MVD: variants seen among roughly 807,000 people sequenced by gnomAD.
MVD encodes mevalonate diphosphate decarboxylase, also known as diphosphomevalonate decarboxylase.
Under a neutral mutation model 42.4 loss-of-function variants are expected in MVD, and 52 were observed. The observed-to-expected ratio is 1.23, with a 90% CI of 0.98 to 1.55. The LOEUF (loss-of-function observed/expected upper bound fraction) is 1.55. Ranked by LOEUF, MVD falls within the 40% of genes most tolerant of loss-of-function variation. MVD has a pLI of 0.00. For synonymous variants in MVD, 287 were observed against 243.2 expected, an observed-to-expected ratio of 1.18 and a Z score of -1.68; for missense variants, 663 against 572.1, an observed-to-expected ratio of 1.16 and a Z score of -1.62.
chr16:88,654,618 G>T (rs1255753156), intron 8 of MVD, 74 bp downstream of exon 8: 7 of 1,447,530 alleles, frequency 4.8e-6, no homozygotes, highest in African/African-American at 1.5e-5. Flanking sequence ...CAGCCTTCAG[G>T]TGCCTCCGTC....
chr16:88,658,113 C>T, intron 2 of MVD, 84 bp from the exon 3 acceptor site: 1 of 1,361,696 alleles, frequency 7.3e-7, no homozygotes, highest in Admixed American at 1.7e-5. Flanking sequence ...GAGAGAGCCT[C>T]ATGGCTGCCC....
chr16:88,660,322 C>T (rs549319569), intron 1 of MVD, among the ~76,000 whole-genome samples: 2 of 152,316 alleles, frequency 1.3e-5, no homozygotes, highest in East Asian at 1.9e-4. Context: ...AGTCTCTGAA[C>T]GTTACAAGAA....
intron 2 of MVD, 132 bp from the exon 3 acceptor site, chr16:88,658,161 A>C (rs1392167202): frequency 4.7e-6 from 4 of 858,132 alleles, no homozygotes; most frequent in East Asian, 2.6e-5. Flanking sequence ...GCAGGGGGGG[A>C]AAGGCCAGTC....
chr16:88,654,473 C>T (rs777510453), intron 8 of MVD, among the ~76,000 whole-genome samples: 2 of 152,214 alleles, frequency 1.3e-5, no homozygotes, highest in Non-Finnish European at 2.9e-5. Context: ...CTGGGCGTTG[C>T]TCACACACGC....
chr16:88,656,367 C>A, intron 4 of MVD, 63 bp from the exon 5 acceptor site: 1 of 1,557,658 alleles, frequency 6.4e-7, no homozygotes, highest in South Asian at 1.1e-5. Context: ...CCTGACAGCT[C>A]ACCGCCCCAG....
At chr16:88,662,721 G>GA in intron 1 of MVD, 1 of 1,438,988 alleles carries the variant, frequency 6.9e-7, no homozygotes. Context: ...CGATTCATGG[G>GA]AATCGATGAT....
intron 3 of MVD, 128 bp from the exon 4 acceptor site, chr16:88,657,710 T>C (rs1597380812): frequency 7.0e-7 from 1 of 1,420,544 alleles, no homozygotes; most frequent in East Asian, 2.4e-5. Context: ...GGAGAGTTTC[T>C]TACCCGGGAA....
chr16:88,655,288 T>C lies in MVD; in HGVS notation c.808A>G (p.Thr270Ala). Residue 270 changes from threonine to alanine, a missense_variant, in exon 7 of 10, where the codon ACC becomes GCC. Coordinates refer to ENST00000301012, the MANE Select transcript of MVD (RefSeq NM_002461.3). ...TTGAGGTAAGAGATGGGCGGGAAGG[T>C]GTCGAGGCAGGTGGCGTGGAACTGG... ...SNQFHATCLD[T>A]FPPISYLNAI... 6.3e-7 allele frequency: 1 copy of C among 1,593,118 alleles called. No homozygotes were observed. Among genetic ancestry groups the C allele is most frequent in the South Asian group, 1.1e-5 (1 of 87,576 alleles).
chr16:88,652,312 C>A lies in MVD; in HGVS notation c.*213G>T. 1.6e-6 allele frequency: 1 copy of A among 617,086 alleles called. No homozygotes were observed. Among genetic ancestry groups the A allele is most frequent in the Non-Finnish European group, 2.9e-6 (1 of 343,292 alleles). The allele number at this position is 617,086 out of a possible 1,614,324, so 38.2% of individuals were successfully genotyped here. ...ATCCCATCTTGGCAAAGCGCTGGTG[C>A]AGCTTAGGGCAGCTGAAGCACTCGG... On this transcript the variant is annotated 3_prime_UTR_variant, in exon 10 of 10. Transcript: ENST00000301012.
In MVD at chr16:88,656,279, G is replaced by A. The variant is rs369916468; in HGVS notation, c.429C>T (p.Gly143=). The stretch of plus-strand genomic sequence containing the variant: ...CCACTTCTGAGAGGTCACTCTCCAC[G>A]CCGTAGACACGGGCCAGGGTGTAGG... The part of the protein sequence containing the change: ...CLAYTLARVY[G]VESDLSEVAR... Residue 143 remains glycine, a synonymous_variant, in exon 5 of 10, where the codon GGC becomes GGT. Coordinates refer to ENST00000301012, the MANE Select transcript of MVD (RefSeq NM_002461.3). The A allele has an allele frequency of 4.1e-5, 65 of 1,599,724 alleles. No homozygotes were observed. In the Admixed American group the frequency reaches 7.7e-4, roughly 19 times the overall value.
At position 88,657,547 on chromosome 16, in the gene MVD, C is replaced by G; in HGVS notation, c.292G>C (p.Asp98His). The G allele has an allele frequency of 1.2e-6, 2 of 1,612,792 alleles. No homozygotes were observed. The highest frequency in any genetic ancestry group is 1.7e-6 in the Non-Finnish European group (2 of 1,179,892). Reference sequence around the variant, plus strand: ...AGGCTGGAGGGCAGCGGGTCCCCATCCCGTGAGTTCCTCCGCTTCCGGGCC... The same window carrying G: ...AGGCTGGAGGGCAGCGGGTCCCCATGCCGTGAGTTCCTCCGCTTCCGGGCC... ...CLARKRRNSR[D>H]GDPLPSSLSC... The change falls in exon 4 of 10, where the codon GAT becomes CAT. Residue 98 changes from aspartate (D) to histidine (H), a missense_variant. Physicochemically the swap from Asp to His is moderately conservative, Grantham distance 81 (BLOSUM62 -1). Transcript: ENST00000301012.
intron 1 of MVD, chr16:88,658,948 TC>T (rs923612688): frequency 1.4e-5 from 7 of 502,410 alleles, no homozygotes; most frequent in African/African-American, 1.4e-4. Context: ...CCAACCTCCG[TC>T]CCCGCTCCCC....
intron 4 of MVD, chr16:88,657,133 G>GA (rs535407151): frequency 2.0e-5 from 11 of 557,524 alleles, no homozygotes; most frequent in Middle Eastern, 2.8e-4. Context: ...GTAGAGATGG[G>GA]GGGGGGTCTC....
rs1016622155 is a variant in MVD, at chr16:88,651,973, G to A, written c.*552C>T. On this transcript the variant is annotated 3_prime_UTR_variant, in exon 10 of 10. Coordinates refer to ENST00000301012, the MANE Select transcript of MVD (RefSeq NM_002461.3). ...TGCTGGTTTATTCCCCATGGCCACC[G>A]GGGCCGCACTGGTGCCCACTCCTGC... The A allele has an allele frequency of 6.3e-5, 11 of 173,508 alleles. No homozygotes were observed. Among genetic ancestry groups the A allele is most frequent in the Admixed American group, 2.8e-4 (5 of 17,852 alleles). The allele number at this position is 173,508 out of a possible 1,614,324, so 10.7% of individuals were successfully genotyped here.
intron 3 of MVD, 141 bp from the exon 4 acceptor site, chr16:88,657,723 C>T (rs1908024124): frequency 3.7e-6 from 5 of 1,364,020 alleles, no homozygotes; most frequent in South Asian, 2.7e-5. Context: ...CCCGGGAAAA[C>T]CCCAGACTGA....
At chr16:88,659,250 G>A (rs531905515) in intron 1 of MVD, 1 of 179,256 alleles carries the variant, frequency 5.6e-6, no homozygotes, top group East Asian at 1.4e-4. Flanking sequence ...GCTTCGCTAA[G>A]CACACCATCT....
At chr16:88,657,793 A>C (rs1908029128) in intron 3 of MVD, 122 bp downstream of exon 3, 1 of 1,274,700 alleles carries the variant, frequency 7.8e-7, no homozygotes, top group East Asian at 2.4e-5. Context: ...CCCAGCGGGC[A>C]TGTCTGGTTC....
chr16:88,655,593 G>T, intron 6 of MVD, 63 bp downstream of exon 6: 1 of 1,535,338 alleles, frequency 6.5e-7, no homozygotes, highest in African/African-American at 1.4e-5. Context: ...GACAGAGGCT[G>T]AGGGCAGAGC....
At chr16:88,657,880 C>A (rs765725508) in intron 3 of MVD, 35 bp downstream of exon 3, 1 of 1,594,876 alleles carries the variant, frequency 6.3e-7, no homozygotes, top group Admixed American at 1.7e-5. Context: ...CTGCTGACAA[C>A]AGGGAGGGAT....
Sources: gnomAD v4.1 joint callset for allele counts (sites outside exome capture counted in the v4.1 genomes callset) on GRCh38, gnomAD v4.1.1 for gene constraint, MANE v1.5 for transcripts, NCBI Gene and HGNC (gene_info 2026-07-23, HGNC 2026-07-21) for gene names.